DOCK3: variants seen among roughly 807,000 people sequenced by gnomAD.
DOCK3 encodes the protein dedicator of cytokinesis 3, also known as dedicator of cytokinesis protein 3.
Under a neutral mutation model 265.6 loss-of-function variants are expected in DOCK3, and 60 were observed. The observed-to-expected ratio is 0.23, with a 90% CI of 0.18 to 0.28. The LOEUF (loss-of-function observed/expected upper bound fraction) is 0.28. Ranked by LOEUF, DOCK3 falls within the 10% of genes least tolerant of loss-of-function variation. The pLI is 1.00. For synonymous variants in DOCK3, 881 were observed against 938.0 expected (o/e 0.94, Z 1.11); for missense variants, 1,981 against 2,594.3 (o/e 0.76, Z 5.14).
intron 5 of DOCK3, among the ~76,000 whole-genome samples, chr3:50,979,027 T>C (rs918300831): frequency 1.3e-5 from 2 of 152,146 alleles, no homozygotes; most frequent in Non-Finnish European, 2.9e-5. Context: ...GCACACCCAC[T>C]GACCTGCGCC....
At chr3:51,072,059 G>T (rs2081897052) in intron 6 of DOCK3, among the ~76,000 whole-genome samples, 1 of 152,128 alleles carries the variant, frequency 6.6e-6, no homozygotes, top group Non-Finnish European at 1.5e-5. Context: ...CTGTGCTCTG[G>T]TTACTTCTAG....
At chr3:50,848,448 T>C (rs750609608) in intron 3 of DOCK3, among the ~76,000 whole-genome samples, 1 of 152,226 alleles carries the variant, frequency 6.6e-6, no homozygotes, top group Non-Finnish European at 1.5e-5. Flanking sequence ...GTTTCCATGT[T>C]TAGAACTCTT....
rs1192177158 is a variant in DOCK3 at position 51,341,287 on chromosome 3, C to T, written c.3817C>T (p.Arg1273Trp). 12 of 1,609,212 alleles carry T rather than the reference C, an allele frequency of 7.5e-6. No homozygotes were observed. The highest frequency in any genetic ancestry group is 1.3e-5 in the African/African-American group (1 of 74,894). The stretch of plus-strand genomic sequence containing the variant: ...CTGTGAGCTGCTGCAGTGGGAGGAC[C>T]GGCCACTACGGGAATTCCTCCACTA... ...LYCELLQWED[R>W]PLREFLHYPS... Residue 1273 changes from arginine to tryptophan, a missense_variant, in exon 38 of 53, where the codon CGG becomes TGG. Arg to Trp is a moderately radical substitution (Grantham distance 101). Around this residue, in one of 4 missense-constraint regions of DOCK3, gnomAD observed 1,357 missense variants for 1,866.8 expected, o/e 0.73. Transcript: ENST00000266037.
rs529255832 is a variant in DOCK3 at position 50,742,188 on chromosome 3, C to T, written c.38-36487C>T. On this transcript the variant is annotated intron_variant, in intron 1 of 52. Transcript: ENST00000266037. ...CAGAAAGGACATCCACACCAAAAAC[C>T]GATCTGTACATCACCATCATCAAAG... is the stretch of plus-strand genomic sequence containing the variant. Among the ~76,000 whole-genome samples the T allele has an allele frequency of 1.2e-4, 18 of 152,116 alleles. No individual in the cohort carries two copies. In the South Asian group the frequency reaches 2.9e-3, roughly 25 times the overall value.
intron 14 of DOCK3, among the ~76,000 whole-genome samples, chr3:51,224,052 G>A (rs2090215366): frequency 6.6e-6 from 1 of 152,186 alleles, no homozygotes; most frequent in African/African-American, 2.4e-5. Flanking sequence ...TGGTCCTCCA[G>A]GATATCCTAC....
intron 1 of DOCK3, among the ~76,000 whole-genome samples, chr3:50,775,482 C>T (rs2041533813): frequency 6.6e-6 from 1 of 151,310 alleles, no homozygotes; most frequent in Admixed American, 6.6e-5. Flanking sequence ...TTCTTTTTTC[C>T]TAATTAGTTT....
intron 2 of DOCK3, among the ~76,000 whole-genome samples, chr3:50,794,456 C>A (rs760583842): frequency 6.6e-6 from 1 of 152,220 alleles, no homozygotes; most frequent in Non-Finnish European, 1.5e-5. Flanking sequence ...TAAGTCTTCT[C>A]GTTGAATTGA....
At chr3:51,324,862 A>G (rs975388724) in intron 32 of DOCK3, among the ~76,000 whole-genome samples, 2 of 152,230 alleles carry the variant, frequency 1.3e-5, no homozygotes, top group African/African-American at 4.8e-5. Context: ...CTAGCTAGCC[A>G]TATGCAGAAA....
chr3:50,680,104 A>G (rs1374587027), intron 1 of DOCK3, among the ~76,000 whole-genome samples: 2 of 152,192 alleles, frequency 1.3e-5, no homozygotes, highest in Middle Eastern at 3.2e-3. Context: ...TGTCAGTAGT[A>G]TATGACTGTG....
chr3:51,154,732 CTT>C (rs2085760791), intron 10 of DOCK3, among the ~76,000 whole-genome samples: 1 of 152,118 alleles, frequency 6.6e-6, no homozygotes, highest in Non-Finnish European at 1.5e-5. Context: ...TGAGTACAGT[CTT>C]TGACTTTTTA....
At chr3:50,881,583 T>G (rs866947690) in intron 3 of DOCK3, among the ~76,000 whole-genome samples, 12 of 152,086 alleles carry the variant, frequency 7.9e-5, no homozygotes, top group South Asian at 2.1e-4. Context: ...TCTTCAAGGA[T>G]AACTACAAAC....
intron 19 of DOCK3, among the ~76,000 whole-genome samples, chr3:51,233,339 TATCTATCTATC>T (rs1560254204): frequency 4.4e-5 from 2 of 45,972 alleles, no homozygotes; most frequent in South Asian, 2.1e-3. Context: ...TCTATCTATC[TATCTATCTATC>T]TATCTATCTA....
In DOCK3 at chr3:50,727,286, GA is replaced by G. The variant is rs1270031211; in HGVS notation, c.38-51383del. The stretch of plus-strand genomic sequence containing the variant: ...TAGAAAGGTTATAACTAAAACGACA[GA>G]AAAAAGATATGCCATGCAAATGTTA... On this transcript the variant is annotated intron_variant, in intron 1 of 52. Coordinates refer to ENST00000266037, the MANE Select transcript of DOCK3 (RefSeq NM_004947.5). Among the ~76,000 whole-genome samples the G allele has an allele frequency of 3.3e-5, 5 of 152,244 alleles. No homozygotes were observed. In the East Asian group the frequency reaches 5.8e-4, roughly 18 times the overall value.
chr3:50,727,611 T>A (rs1483417659), intron 1 of DOCK3, among the ~76,000 whole-genome samples: 1 of 152,082 alleles, frequency 6.6e-6, no homozygotes, highest in Non-Finnish European at 1.5e-5. Flanking sequence ...GGCAGGAGAA[T>A]TGCTTGAAAC....
chr3:51,252,648 AT>A (rs2079315658), intron 22 of DOCK3, among the ~76,000 whole-genome samples: 1 of 152,178 alleles, frequency 6.6e-6, no homozygotes, highest in South Asian at 2.1e-4. Flanking sequence ...TTCATTCCTG[AT>A]TTGGCTCTCT....
At chr3:51,317,581 AAAT>A (rs35402276) in intron 32 of DOCK3, among the ~76,000 whole-genome samples, 11,310 of 139,048 alleles carry the variant, frequency 0.081, 526 homozygotes, top group African/African-American at 0.13. Flanking sequence ...CTCCATCACA[AAAT>A]AATAATAATA....
intron 12 of DOCK3, among the ~76,000 whole-genome samples, chr3:51,188,556 C>A (rs1162783341): frequency 6.6e-6 from 1 of 152,138 alleles, no homozygotes; most frequent in Non-Finnish European, 1.5e-5. Flanking sequence ...TGTTTGTATC[C>A]TTTAATCCAG....
intron 3 of DOCK3, among the ~76,000 whole-genome samples, chr3:50,886,851 T>C (rs1235110360): frequency 6.6e-6 from 1 of 151,960 alleles, no homozygotes; most frequent in South Asian, 2.1e-4. Flanking sequence ...ATCTCTGGGA[T>C]ACATTAAAAG....
In DOCK3 at chr3:51,173,889, TC is replaced by T. The variant is rs1486818040; in HGVS notation, c.1037+13192del. Among the ~76,000 whole-genome samples the T allele has an allele frequency of 2.0e-5, 3 of 152,324 alleles. No individual in the cohort carries two copies. In the East Asian group the frequency reaches 5.8e-4, roughly 29 times the overall value. On this transcript the variant is annotated intron_variant, in intron 12 of 52. Coordinates refer to ENST00000266037, the MANE Select transcript of DOCK3 (RefSeq NM_004947.5). Reference sequence around the variant, plus strand: ...TTCAGCCAATATTTCTTTAAATTTTTCCCCCTTTTCTTTCCTCCTTCTGGGA... The same window carrying T: ...TTCAGCCAATATTTCTTTAAATTTTTCCCCTTTTCTTTCCTCCTTCTGGGA...
Sources: gnomAD v4.1 joint callset for allele counts (sites outside exome capture counted in the v4.1 genomes callset) on GRCh38, gnomAD v4.1.1 for gene constraint, gnomAD v4.1.1 regional missense constraint, MANE v1.5 for transcripts, NCBI Gene and HGNC (gene_info 2026-07-23, HGNC 2026-07-21) for gene names.